The following SNX25 variants were observed in gnomAD, a reference collection of about 807,000 sequenced individuals.
SNX25 encodes sorting nexin-25.
Under a neutral mutation model 113.7 loss-of-function variants are expected in SNX25, and 62 were observed. The ratio of observed to expected loss-of-function variants is 0.55; its 90% CI spans 0.44 to 0.67. SNX25 has a LOEUF of 0.67. SNX25 is among the 30% of genes least tolerant of loss of function. The pLI, the probability that SNX25 is intolerant of heterozygous loss-of-function variation, is 0.00. For missense variants in SNX25, 1,014 were observed against 1,161.0 expected (o/e 0.87, Z 1.84); for synonymous variants, 421 against 436.2 (o/e 0.97, Z 0.43).
At chr4:185,297,311 T>G (rs1464894557) in intron 6 of SNX25, among the ~76,000 whole-genome samples, 4 of 152,216 alleles carry the variant, frequency 2.6e-5, no homozygotes, top group African/African-American at 9.6e-5. Context: ...TATGAATATT[T>G]CCATCATTAC....
intron 7 of SNX25, among the ~76,000 whole-genome samples, chr4:185,311,482 A>G (rs992653567): frequency 1.3e-5 from 2 of 152,134 alleles, no homozygotes; most frequent in Admixed American, 1.3e-4. Context: ...TGAAGGACCA[A>G]ACTTGTCTTC....
chr4:185,295,148 TGTTGA>T (rs1489795608), intron 6 of SNX25, among the ~76,000 whole-genome samples: 1 of 152,204 alleles, frequency 6.6e-6, no homozygotes, highest in Non-Finnish European at 1.5e-5. Context: ...AAAATATAAT[TGTTGA>T]GTTGTTTTTG....
At chr4:185,305,624 C>T (rs962099615) in intron 6 of SNX25, among the ~76,000 whole-genome samples, 4 of 152,116 alleles carry the variant, frequency 2.6e-5, no homozygotes, top group Admixed American at 2.0e-4. Flanking sequence ...GGATTTATAG[C>T]GAAAAGCATT....
At position 185,357,744 on chromosome 4, in the gene SNX25, T is replaced by G. The variant is rs751703028; in HGVS notation, c.2651+7T>G. 1 of 1,611,742 alleles carries G rather than the reference T, an allele frequency of 6.2e-7. No individual in the cohort carries two copies. Among genetic ancestry groups the G allele is most frequent in the Non-Finnish European group, 8.5e-7 (1 of 1,177,906 alleles). ...TTGGAAGAACCATCAACAAGTGAGT[T>G]GTATGAAATTAATATTTGGATCCAT... On this transcript the variant is annotated splice_region_variant and intron_variant, in intron 16 of 18. Transcript: ENST00000652585.
intron 15 of SNX25, among the ~76,000 whole-genome samples, chr4:185,353,832 T>G (rs1191823614): frequency 6.6e-6 from 1 of 151,928 alleles, no homozygotes; most frequent in Admixed American, 6.6e-5. Context: ...GATCATGAAG[T>G]CAAGAGATCA....
At position 185,258,852 on chromosome 4, in the gene SNX25, C is replaced by T. The variant is rs532110471; in HGVS notation, c.519C>T (p.Phe173=). 32 of 1,609,068 alleles carry T rather than the reference C, an allele frequency of 2.0e-5. 1 individual carries two copies. Among genetic ancestry groups the T allele is most frequent in the Middle Eastern group, 3.3e-4 (2 of 6,068 alleles). ...HNMDKALKEV[F]DYSYRDYILS... ...TGCTTTGTTTATTCCTGGTAGTGTTCGACTACAGTTATAGAGATTACATTC... is the reference window on the plus strand; with the variant it reads ...TGCTTTGTTTATTCCTGGTAGTGTTTGACTACAGTTATAGAGATTACATTC... The change falls in exon 3 of 19, where the codon TTC becomes TTT. Residue 173 remains phenylalanine (F), a synonymous_variant. Transcript: ENST00000652585.
At chr4:185,305,150 T>C (rs1020420689) in intron 6 of SNX25, among the ~76,000 whole-genome samples, 1 of 152,116 alleles carries the variant, frequency 6.6e-6, no homozygotes, top group South Asian at 2.1e-4. Context: ...TTTTTGGTTG[T>C]CGTCTTTGGG....
At chr4:185,301,800 T>C (rs182771222) in intron 6 of SNX25, among the ~76,000 whole-genome samples, 2 of 152,250 alleles carry the variant, frequency 1.3e-5, no homozygotes, top group East Asian at 3.9e-4. Context: ...TTGCCCAGAC[T>C]GGTCTCGAAC....
intron 13 of SNX25, among the ~76,000 whole-genome samples, chr4:185,350,137 T>C (rs1200847702): frequency 6.6e-6 from 1 of 151,916 alleles, no homozygotes; most frequent in Non-Finnish European, 1.5e-5. Context: ...ATGCTGATGG[T>C]GTTCCGTGGA....
intron 10 of SNX25, among the ~76,000 whole-genome samples, chr4:185,337,988 C>A (rs1248733033): frequency 6.6e-6 from 1 of 152,122 alleles, no homozygotes; most frequent in African/African-American, 2.4e-5. Context: ...AATGTCTATT[C>A]AAATCCTTTG....
intron 1 of SNX25, among the ~76,000 whole-genome samples, chr4:185,227,471 A>C (rs1741195336): frequency 6.6e-6 from 1 of 152,136 alleles, no homozygotes; most frequent in Non-Finnish European, 1.5e-5. Context: ...GTGGGTGTGC[A>C]TTCACCCGGG....
At chr4:185,281,252 A>G (rs912256497) in intron 5 of SNX25, among the ~76,000 whole-genome samples, 4 of 151,930 alleles carry the variant, frequency 2.6e-5, no homozygotes, top group Non-Finnish European at 4.4e-5. Flanking sequence ...TATACGTACC[A>G]TTTCCCTAGA....
At chr4:185,347,542 C>T (rs2095293748) in intron 13 of SNX25, among the ~76,000 whole-genome samples, 1 of 152,066 alleles carries the variant, frequency 6.6e-6, no homozygotes, top group Admixed American at 6.5e-5. Context: ...GCGATCTTGG[C>T]TCACCGTAAC....
chr4:185,362,203 TA>T, intron 17 of SNX25, 98 bp downstream of exon 17: 1 of 1,422,136 alleles, frequency 7.0e-7, no homozygotes, highest in Non-Finnish European at 9.2e-7. Context: ...AAACATTCTT[TA>T]CAATGAAAAA....
intron 1 of SNX25, among the ~76,000 whole-genome samples, chr4:185,221,628 A>G (rs1286373600): frequency 6.6e-6 from 1 of 152,114 alleles, no homozygotes; most frequent in Non-Finnish European, 1.5e-5. Flanking sequence ...AAGCCTAATC[A>G]AATTCCTCTT....
At chr4:185,258,731 CTCT>C in intron 2 of SNX25, 114 bp from the exon 3 acceptor site, 1 of 771,414 alleles carries the variant, frequency 1.3e-6, no homozygotes. Flanking sequence ...GTTTTCTCCT[CTCT>C]TTAATTTTAA....
intron 5 of SNX25, among the ~76,000 whole-genome samples, chr4:185,287,623 A>T (rs908282484): frequency 6.6e-6 from 1 of 152,222 alleles, no homozygotes; most frequent in African/African-American, 2.4e-5. Flanking sequence ...ATTTAATTGG[A>T]TAGCCACATG....
chr4:185,358,292 CTATAT>C (rs1035501172), intron 16 of SNX25, among the ~76,000 whole-genome samples: 2 of 152,150 alleles, frequency 1.3e-5, no homozygotes, highest in Admixed American at 1.3e-4. Context: ...CTATTCTAAA[CTATAT>C]TATATTATCC....
intron 1 of SNX25, among the ~76,000 whole-genome samples, chr4:185,237,320 G>A (rs1010258966): frequency 6.6e-6 from 1 of 152,120 alleles, no homozygotes; most frequent in Non-Finnish European, 1.5e-5. Context: ...GTCAAACCAG[G>A]TTTTGTTTGG....
Sources: gnomAD v4.1 joint callset for allele counts (sites outside exome capture counted in the v4.1 genomes callset) on GRCh38, gnomAD v4.1.1 for gene constraint, MANE v1.5 for transcripts, NCBI Gene and HGNC (gene_info 2026-07-23, HGNC 2026-07-21) for gene names.